Variants in SUSD1 observed in about 807,000 individuals in gnomAD.
The protein encoded by SUSD1 is sushi domain-containing protein 1.
Under a neutral mutation model 86.9 loss-of-function variants are expected in SUSD1, and 65 were observed. That is an observed-to-expected ratio of 0.75 (90% CI 0.61 to 0.92). SUSD1 has a LOEUF of 0.92. SUSD1 is among the 40% of genes least tolerant of loss of function. The probability of loss-of-function intolerance (pLI) is 0.00; values close to 1 mark genes in which losing one functional copy is unlikely to be tolerated. For synonymous variants in SUSD1, 346 were observed against 350.0 expected, an observed-to-expected ratio of 0.99 and a Z score of 0.13; for missense variants, 850 against 929.7, an observed-to-expected ratio of 0.91 and a Z score of 1.11.
intron 12 of SUSD1, among the ~76,000 whole-genome samples, chr9:112,076,333 G>A (rs920093309): frequency 3.3e-5 from 5 of 152,162 alleles, no homozygotes; most frequent in Admixed American, 2.0e-4. Context: ...GAGAAGTGGT[G>A]GAATTCAGAA....
chr9:112,051,615 G>C (rs1037383899), intron 15 of SUSD1, among the ~76,000 whole-genome samples: 1 of 151,706 alleles, frequency 6.6e-6, no homozygotes, highest in Non-Finnish European at 1.5e-5. Flanking sequence ...ATTTTTAGTA[G>C]AGACAGGGTT....
At chr9:112,074,029 C>T (rs1313727751) in intron 12 of SUSD1, among the ~76,000 whole-genome samples, 1 of 152,064 alleles carries the variant, frequency 6.6e-6, no homozygotes, top group Non-Finnish European at 1.5e-5. Flanking sequence ...TCAGCCTGGC[C>T]AACATGGTGA....
In SUSD1 at chr9:112,113,649, C is replaced by A. The variant is rs554654259; in HGVS notation, c.887-781G>T. The stretch of plus-strand genomic sequence containing the variant: ...TTTTATTTCTTTGAAATCAAATTCC[C>A]AGCCGAGTGCAGTGGCTCACACCTG... On this transcript the variant is annotated intron_variant, in intron 6 of 16. Coordinates refer to ENST00000374270, the MANE Select transcript of SUSD1 (RefSeq NM_022486.5). This position sits in a 1 kb window ranked among gnomAD's most constrained non-coding sequence, Gnocchi z 4.1. 6.6e-5 allele frequency among the ~76,000 whole-genome samples: 10 copies of A among 152,234 alleles called. No individual in the cohort carries two copies. In the South Asian group the frequency reaches 1.7e-3, roughly 25 times the overall value.
intron 15 of SUSD1, among the ~76,000 whole-genome samples, chr9:112,048,515 T>A (rs1046102670): frequency 6.6e-6 from 1 of 152,214 alleles, no homozygotes; most frequent in Non-Finnish European, 1.5e-5. Flanking sequence ...TCATTTCCCA[T>A]AAAACTAACT....
At chr9:112,066,696 C>T (rs538065403) in intron 12 of SUSD1, among the ~76,000 whole-genome samples, 1 of 152,258 alleles carries the variant, frequency 6.6e-6, no homozygotes, top group African/African-American at 2.4e-5. Context: ...AAGTGCTCAG[C>T]ATCCCTTTTT....
chr9:112,175,098 G>A lies in SUSD1; in HGVS notation c.103+35C>T. On this transcript the variant is annotated intron_variant, in intron 1 of 16. Coordinates refer to ENST00000374270, the MANE Select transcript of SUSD1 (RefSeq NM_022486.5). This position sits in a 1 kb window ranked among gnomAD's most constrained non-coding sequence, Gnocchi z 4.7. ...TCCTCGAGGCCCAGCCGGGGGCCCC[G>A]CCGGCCGCCCGTGCCCGTCCCAGCC... The A allele has an allele frequency of 9.9e-7, 1 of 1,006,954 alleles. No individual in the cohort carries two copies. 62.4% of individuals were successfully genotyped at this position (1,006,954 alleles called of 1,614,324 possible).
At chr9:112,052,486 T>G (rs1473574257) in intron 14 of SUSD1, 48 bp from the exon 15 acceptor site, 1 of 1,607,856 alleles carries the variant, frequency 6.2e-7, no homozygotes, top group South Asian at 1.1e-5. Context: ...GCACACAGTG[T>G]CAGTTTAAAT....
In SUSD1 at chr9:112,175,152, C is replaced by G. The variant is rs1834223069; in HGVS notation, c.84G>C (p.Ala28=). Residue 28 remains alanine (A), a synonymous_variant, in exon 1 of 17, where the codon GCG becomes GCC. Coordinates refer to ENST00000374270, the MANE Select transcript of SUSD1 (RefSeq NM_022486.5). The surrounding 1 kb of genome is among the most constrained non-coding windows in gnomAD (Gnocchi z 4.7). ...ACTCACCGTCGGGGCCCGGCGCTCC[C>G]GCGGCGCCGCGGGCCAGGCCGAGCA... ...LLLLGLARGA[A]GAPGPDGLDV... is the part of the protein sequence containing the mutation. 9.3e-6 allele frequency: 10 copies of G among 1,079,196 alleles called. No homozygotes were observed. The highest frequency in any genetic ancestry group is 1.0e-5 in the Non-Finnish European group (9 of 893,202). 66.9% of individuals were successfully genotyped at this position (1,079,196 alleles called of 1,614,324 possible). A position where few individuals can be genotyped will look rare whatever the true frequency, so the allele number is the denominator to read the frequency against.
intron 1 of SUSD1, among the ~76,000 whole-genome samples, chr9:112,166,792 A>G (rs1318001261): frequency 6.6e-6 from 1 of 152,182 alleles, no homozygotes; most frequent in East Asian, 1.9e-4. Flanking sequence ...GTTGCCATGT[A>G]GTAACCGAGG....
intron 5 of SUSD1, among the ~76,000 whole-genome samples, chr9:112,127,589 C>T (rs546817979): frequency 3.3e-5 from 5 of 150,042 alleles, no homozygotes; most frequent in African/African-American, 1.2e-4. Flanking sequence ...TATGTTCATT[C>T]GTTTATTTAT....
At position 112,063,301 on chromosome 9, in the gene SUSD1, G is replaced by A. The variant is rs762427798; in HGVS notation, c.1754-268C>T. Among the ~76,000 whole-genome samples the A allele has an allele frequency of 2.0e-5, 3 of 152,192 alleles. No individual in the cohort carries two copies. The East Asian group carries it at 5.8e-4, about 29-fold the overall frequency. On this transcript the variant is annotated intron_variant, in intron 12 of 16. Transcript: ENST00000374270. The stretch of plus-strand genomic sequence containing the variant: ...AAGTTGCTGGGGGTGGAGGGGGCAT[G>A]TAGGGAATGGGAACATATTGCTTAA...
intron 5 of SUSD1, among the ~76,000 whole-genome samples, chr9:112,140,834 T>C (rs1020275267): frequency 6.6e-6 from 1 of 152,248 alleles, no homozygotes; most frequent in African/African-American, 2.4e-5. Flanking sequence ...TAGTAGAGCC[T>C]GCTACTCACT....
At chr9:112,130,977 C>T (rs543308026) in intron 5 of SUSD1, among the ~76,000 whole-genome samples, 21 of 152,156 alleles carry the variant, frequency 1.4e-4, no homozygotes, top group South Asian at 1.0e-3. Context: ...GAGCCAAGAT[C>T]GCACTACTGC....
At chr9:112,159,341 T>C (rs1248588019) in intron 1 of SUSD1, among the ~76,000 whole-genome samples, 1 of 152,190 alleles carries the variant, frequency 6.6e-6, no homozygotes, top group African/African-American at 2.4e-5. Context: ...GCTCCAGGCA[T>C]GAAACCAACT....
intron 2 of SUSD1, among the ~76,000 whole-genome samples, chr9:112,153,138 G>C (rs1350677004): frequency 6.6e-6 from 1 of 151,706 alleles, no homozygotes; most frequent in Non-Finnish European, 1.5e-5. Flanking sequence ...GTGGTGGTTT[G>C]CCTCTGTAGT....
intron 2 of SUSD1, among the ~76,000 whole-genome samples, chr9:112,152,553 C>T (rs935672498): frequency 3.4e-5 from 5 of 147,248 alleles, no homozygotes; most frequent in Admixed American, 2.8e-4. Flanking sequence ...CAGGTGACTG[C>T]TACTGTGCCT....
Position 112,175,137 on chromosome 9 carries a change from G to C in SUSD1, c.99C>G (p.Pro33=), listed in dbSNP as rs1589769016. The C allele has an allele frequency of 9.5e-7, 1 of 1,054,134 alleles. No individual in the cohort carries two copies. The highest frequency in any genetic ancestry group is 7.6e-5 in the East Asian group (1 of 13,200). 65.3% of individuals were successfully genotyped at this position (1,054,134 alleles called of 1,614,324 possible). The change falls in exon 1 of 17, where the codon CCC becomes CCG. Residue 33 remains proline (P), a synonymous_variant. Coordinates refer to ENST00000374270, the MANE Select transcript of SUSD1 (RefSeq NM_022486.5). This position sits in a 1 kb window ranked among gnomAD's most constrained non-coding sequence, Gnocchi z 4.7. ...CCCGTCCCAGCCCGCACTCACCGTC[G>C]GGGCCCGGCGCTCCCGCGGCGCCGC... ...LARGAAGAPG[P]DGLDVCATCH...
At chr9:112,136,910 C>T (rs1832290592) in intron 5 of SUSD1, among the ~76,000 whole-genome samples, 1 of 152,114 alleles carries the variant, frequency 6.6e-6, no homozygotes, top group Non-Finnish European at 1.5e-5. Context: ...GGTCCTAGAC[C>T]ACACTGTGCA....
chr9:112,100,857 G>GACACACACACACACACACACACACAC (rs5899985), intron 9 of SUSD1, among the ~76,000 whole-genome samples: 7 of 140,424 alleles, frequency 5.0e-5, no homozygotes, highest in African/African-American at 1.9e-4. Flanking sequence ...ATTGTACCTG[G>GACACACACACACACACACACACACAC]ACACACACAC....
Sources: gnomAD v4.1 joint callset for allele counts (sites outside exome capture counted in the v4.1 genomes callset) on GRCh38, gnomAD v4.1.1 for gene constraint, Gnocchi (gnomAD v3.1) non-coding constraint, MANE v1.5 for transcripts, NCBI Gene and HGNC (gene_info 2026-07-23, HGNC 2026-07-21) for gene names.